The following ARSG variants were observed in gnomAD, a reference collection of about 807,000 sequenced individuals.
ARSG encodes the protein ASG.
In ARSG, 37 loss-of-function variants were observed where a neutral mutation model predicts 50.5. That is an observed-to-expected ratio of 0.73 (90% CI 0.56 to 0.96). The LOEUF (loss-of-function observed/expected upper bound fraction) is 0.96. Among genes scored for constraint, ARSG ranks in the 50% least tolerant of loss-of-function variants. ARSG has a pLI of 0.00. For synonymous variants in ARSG, 225 were observed against 254.6 expected, an observed-to-expected ratio of 0.88 and a Z score of 1.11; for missense variants, 629 against 675.3, an observed-to-expected ratio of 0.93 and a Z score of 0.76.
intron 1 of ARSG, among the ~76,000 whole-genome samples, chr17:68,303,547 C>T (rs1555762773): frequency 6.6e-6 from 1 of 152,148 alleles, no homozygotes; most frequent in African/African-American, 2.4e-5. Flanking sequence ...CTCCCAGGTT[C>T]AAGCGATTCT....
the ARSG span, chr17:68,450,830 G>A: frequency 1.9e-6 from 3 of 1,614,200 alleles, no homozygotes; most frequent in Middle Eastern, 3.3e-4. Flanking sequence ...GTGGTTTTGT[G>A]TGACTGACTA....
intron 1 of ARSG, among the ~76,000 whole-genome samples, chr17:68,282,483 C>T (rs1194921651): frequency 6.6e-5 from 8 of 121,052 alleles, no homozygotes; most frequent in South Asian, 2.6e-4. Context: ...GCACATGTAC[C>T]CTAGAACTTA....
At chr17:68,371,184 G>C (rs966664611) in intron 8 of ARSG, among the ~76,000 whole-genome samples, 2 of 152,074 alleles carry the variant, frequency 1.3e-5, no homozygotes, top group African/African-American at 4.8e-5. Context: ...GCCGGGCGTG[G>C]TGGCGGGCGC....
At chr17:68,316,570 GC>G (rs1159834547) in intron 2 of ARSG, among the ~76,000 whole-genome samples, 1 of 152,182 alleles carries the variant, frequency 6.6e-6, no homozygotes, top group Non-Finnish European at 1.5e-5. Context: ...GAACTAGACT[GC>G]CTTGGTCTGT....
rs1318554024 is a variant in ARSG, at chr17:68,368,637, G to A, written c.794G>A (p.Gly265Asp). 2 of 1,614,130 alleles carry A rather than the reference G, an allele frequency of 1.2e-6. No homozygotes were observed. Among genetic ancestry groups the A allele is most frequent in the East Asian group, 2.2e-5 (1 of 44,900 alleles). The part of the protein sequence containing the change: ...PVTQLPAAPR[G>D]RSLYGAGLWE... ...ACTCAGCTACCAGCAGCGCCACGGGGCAGAAGCCTGTATGGTGCAGGGCTC... is the reference window on the plus strand; with the variant it reads ...ACTCAGCTACCAGCAGCGCCACGGGACAGAAGCCTGTATGGTGCAGGGCTC... The change falls in exon 7 of 12, where the codon GGC (glycine) becomes GAC (aspartate). Residue 265 changes from glycine (G) to aspartate (D), a missense_variant. Gly to Asp is a moderately conservative substitution (Grantham distance 94). Transcript: ENST00000621439.
intron 1 of ARSG, among the ~76,000 whole-genome samples, chr17:68,306,632 CA>C (rs1555764158): frequency 6.6e-6 from 1 of 152,188 alleles, no homozygotes; most frequent in East Asian, 1.9e-4. Context: ...CTCAGTGGCA[CA>C]CTGGGATTTA....
At position 68,420,552 on chromosome 17, in the gene ARSG, C is replaced by G. The variant is rs902211273; in HGVS notation, c.*89C>G. 5.6e-6 allele frequency: 8 copies of G among 1,427,368 alleles called. No homozygotes were observed. The African/African-American group carries it at 9.9e-5, about 18-fold the overall frequency. 88.4% of individuals were successfully genotyped at this position (1,427,368 alleles called of 1,614,324 possible). A position where few individuals can be genotyped will look rare whatever the true frequency, so the allele number is the denominator to read the frequency against. ...CATTTTTACCCTCTTTACAAACACACGCTTTAGTTTAGTCTTGGAGTTTAG... is the reference window on the plus strand; with the variant it reads ...CATTTTTACCCTCTTTACAAACACAGGCTTTAGTTTAGTCTTGGAGTTTAG... On this transcript the variant is annotated 3_prime_UTR_variant, in exon 12 of 12. Coordinates refer to ENST00000621439, the MANE Select transcript of ARSG (RefSeq NM_001267727.2).
chr17:68,435,840 CA>C, the ARSG span: 53 of 819,794 alleles, frequency 6.5e-5, no homozygotes, highest in Non-Finnish European at 9.8e-5. Flanking sequence ...CTCTGTCCCC[CA>C]GGCCATCTGC....
the ARSG span, chr17:68,434,640 C>T: frequency 6.2e-7 from 1 of 1,613,624 alleles, no homozygotes; most frequent in East Asian, 2.2e-5. Flanking sequence ...GAAAAGAAAG[C>T]AGGTGGACAT....
At chr17:68,426,985 TCCAC>T, downstream of ARSG, 1 of 663,192 alleles carries the variant, frequency 1.5e-6, no homozygotes, top group Admixed American at 2.8e-5. Context: ...AGGAGAGCAC[TCCAC>T]CCCCAGGTAA....
At chr17:68,346,911 G>C (rs537967770) in intron 3 of ARSG, 1 of 1,481,044 alleles carries the variant, frequency 6.8e-7, no homozygotes, top group South Asian at 1.2e-5. Context: ...GTGGTTTCCC[G>C]TGTGAGTCTG....
At chr17:68,356,295 C>T (rs551663362) in intron 5 of ARSG, among the ~76,000 whole-genome samples, 2 of 152,356 alleles carry the variant, frequency 1.3e-5, no homozygotes, top group Admixed American at 6.5e-5. Flanking sequence ...TGAAGTGAGA[C>T]AGCAGAGAAA....
intron 9 of ARSG, among the ~76,000 whole-genome samples, chr17:68,386,373 G>A (rs1184385820): frequency 6.6e-6 from 1 of 152,214 alleles, no homozygotes; most frequent in Non-Finnish European, 1.5e-5. Context: ...GAACACAGCT[G>A]AGTAGAGGCA....
chr17:68,375,729 G>A (rs1214214457), intron 8 of ARSG, among the ~76,000 whole-genome samples: 1 of 152,160 alleles, frequency 6.6e-6, no homozygotes, highest in Middle Eastern at 3.2e-3. Flanking sequence ...AGGAGAAGAG[G>A]CTCTGGGCGA....
the ARSG span, chr17:68,436,478 A>C: frequency 6.2e-7 from 1 of 1,613,740 alleles, no homozygotes; most frequent in South Asian, 1.1e-5. Flanking sequence ...GAGCACATAG[A>C]CCTGGCAAAG....
In ARSG at chr17:68,282,779, T is replaced by TAAAAAAAA. The variant is rs36155626; in HGVS notation, c.-552+23367_-552+23374dup. Among the ~76,000 whole-genome samples, 23 of 53,394 alleles carry TAAAAAAAA rather than the reference T, an allele frequency of 4.3e-4. 1 individual carries two copies. The highest frequency in any genetic ancestry group is 1.3e-3 in the African/African-American group (14 of 10,788). The allele number at this position is 53,394 out of a possible 152,430, so 35.0% of individuals were successfully genotyped here. A position where few individuals can be genotyped will look rare whatever the true frequency, so the allele number is the denominator to read the frequency against. ...CAACATAGTGAAACCCCATCTCTACTAAAAAAAAAAAAAAAAAAAAAGGCC... is the reference window on the plus strand; with the variant it reads ...CAACATAGTGAAACCCCATCTCTACTAAAAAAAAAAAAAAAAAAAAAAAAAAAAAGGCC... On this transcript the variant is annotated intron_variant, in intron 1 of 11. Transcript: ENST00000448504.
At chr17:68,265,984 A>G (rs1244139706) in intron 1 of ARSG, among the ~76,000 whole-genome samples, 1 of 152,130 alleles carries the variant, frequency 6.6e-6, no homozygotes, top group African/African-American at 2.4e-5. Context: ...ACCTTTACAG[A>G]AAAAGTTTGC....
intron 1 of ARSG, among the ~76,000 whole-genome samples, chr17:68,293,546 CTTATA>C (rs2076096672): frequency 1.3e-5 from 2 of 151,814 alleles, no homozygotes; most frequent in South Asian, 4.2e-4. Flanking sequence ...TGTTACTATT[CTTATA>C]TTTTATTAAT....
chr17:68,341,276 G>T (rs1389736287), intron 2 of ARSG, among the ~76,000 whole-genome samples: 1 of 152,016 alleles, frequency 6.6e-6, no homozygotes, highest in Non-Finnish European at 1.5e-5. Flanking sequence ...TAATTATAGG[G>T]TCTGCTTGTT....
Sources: gnomAD v4.1 joint callset for allele counts (sites outside exome capture counted in the v4.1 genomes callset) on GRCh38, gnomAD v4.1.1 for gene constraint, MANE v1.5 for transcripts, NCBI Gene and HGNC (gene_info 2026-07-23, HGNC 2026-07-21) for gene names.